Variants in GRM8 observed in about 807,000 individuals in gnomAD.
GRM8 encodes the protein metabotropic glutamate receptor 8.
Under a neutral mutation model 87.2 loss-of-function variants are expected in GRM8, and 47 were observed. The observed-to-expected ratio is 0.54, with a 90% CI of 0.43 to 0.69. The LOEUF (loss-of-function observed/expected upper bound fraction) is 0.69. Among genes scored for constraint, GRM8 ranks in the 30% least tolerant of loss-of-function variants. The pLI is 0.00. For missense variants in GRM8, 1,019 were observed against 1,139.2 expected (o/e 0.89, Z 1.52); for synonymous variants, 396 against 404.5 (o/e 0.98, Z 0.25).
chr7:126,509,110 T>C (rs544382270), intron 9 of GRM8, among the ~76,000 whole-genome samples: 5 of 152,190 alleles, frequency 3.3e-5, no homozygotes, highest in African/African-American at 1.2e-4. Context: ...CAGAATAAAT[T>C]TGAAAAGCAT....
chr7:126,546,197 T>G (rs903085026), intron 8 of GRM8, among the ~76,000 whole-genome samples: 1 of 152,232 alleles, frequency 6.6e-6, no homozygotes, highest in Non-Finnish European at 1.5e-5. Flanking sequence ...TAACATTTAG[T>G]GCTTATAACA....
intron 6 of GRM8, among the ~76,000 whole-genome samples, chr7:126,816,777 C>T (rs536809357): frequency 2.9e-4 from 42 of 145,272 alleles, no homozygotes; most frequent in African/African-American, 8.7e-4. Flanking sequence ...TGTAGTGTAG[C>T]GTATAATTTC....
At position 126,894,141 on chromosome 7, in the gene GRM8, C is replaced by T. The variant is rs187529317; in HGVS notation, c.1156+8401G>A. ...ATATTGAATCATCTATACATTGTTC[C>T]TTTTTAAAAGTTTGTTTGGTTTTAA... On this transcript the variant is annotated intron_variant, in intron 6 of 10. Transcript: ENST00000339582. Among the ~76,000 whole-genome samples the T allele has an allele frequency of 8.5e-5, 13 of 152,110 alleles. No individual in the cohort carries two copies. In the East Asian group the frequency reaches 2.3e-3, roughly 27 times the overall value.
chr7:126,650,989 C>A (rs1260680505), intron 7 of GRM8, among the ~76,000 whole-genome samples: 1 of 152,140 alleles, frequency 6.6e-6, no homozygotes, highest in African/African-American at 2.4e-5. Flanking sequence ...AATATGGCAC[C>A]ATTCCTTGAG....
intron 3 of GRM8, among the ~76,000 whole-genome samples, chr7:126,976,000 A>C (rs926467446): frequency 2.6e-5 from 4 of 152,196 alleles, no homozygotes; most frequent in Non-Finnish European, 4.4e-5. Flanking sequence ...ACAAACATGA[A>C]ATCAGGGACT....
intron 7 of GRM8, among the ~76,000 whole-genome samples, chr7:126,749,223 G>A (rs1375813094): frequency 6.6e-6 from 1 of 152,036 alleles, no homozygotes; most frequent in Non-Finnish European, 1.5e-5. Flanking sequence ...GTTGCAGTGG[G>A]CCAAGATCAT....
intron 8 of GRM8, among the ~76,000 whole-genome samples, chr7:126,548,114 G>A (rs36115890): frequency 0.2 from 30,841 of 151,786 alleles, 3,814 homozygotes; most frequent in East Asian, 0.39. Context: ...TGGAGAAGCC[G>A]GAGAGACTCT....
intron 2 of GRM8, among the ~76,000 whole-genome samples, chr7:127,129,970 A>C (rs1827588243): frequency 6.6e-6 from 1 of 152,068 alleles, no homozygotes; most frequent in Non-Finnish European, 1.5e-5. Flanking sequence ...GTGAGGGAGG[A>C]ACCTGGTGGG....
intron 2 of GRM8, among the ~76,000 whole-genome samples, chr7:127,169,650 A>G (rs1315284986): frequency 2.0e-5 from 3 of 152,212 alleles, no homozygotes; most frequent in Non-Finnish European, 2.9e-5. Flanking sequence ...TTGGCTTCAA[A>G]GTTTCAAAAG....
intron 2 of GRM8, among the ~76,000 whole-genome samples, chr7:127,204,330 G>C (rs1795785858): frequency 6.6e-6 from 1 of 152,134 alleles, no homozygotes; most frequent in Non-Finnish European, 1.5e-5. Flanking sequence ...CTGTACCAAA[G>C]CAATGTGGTC....
At chr7:127,216,537 A>AAAAG (rs1796561592) in intron 2 of GRM8, among the ~76,000 whole-genome samples, 1 of 147,232 alleles carries the variant, frequency 6.8e-6, no homozygotes, top group Non-Finnish European at 1.5e-5. Flanking sequence ...AAAAAAAACA[A>AAAAG]AAAAAAAAAA....
At chr7:127,070,833 G>C (rs1339047507) in intron 3 of GRM8, among the ~76,000 whole-genome samples, 3 of 152,140 alleles carry the variant, frequency 2.0e-5, no homozygotes, top group African/African-American at 7.2e-5. Flanking sequence ...ACTGGAACGT[G>C]TCTCTTGCTG....
chr7:126,615,376 A>G (rs1011874103), intron 7 of GRM8, among the ~76,000 whole-genome samples: 4 of 152,238 alleles, frequency 2.6e-5, no homozygotes, highest in Admixed American at 6.5e-5. Flanking sequence ...TGAAGGAAGC[A>G]CTAAACATGG....
intron 3 of GRM8, among the ~76,000 whole-genome samples, chr7:127,023,902 G>A (rs1336834312): frequency 6.6e-6 from 1 of 152,068 alleles, no homozygotes; most frequent in African/African-American, 2.4e-5. Context: ...ACCATCTGAA[G>A]GGCATTTTAG....
intron 7 of GRM8, among the ~76,000 whole-genome samples, chr7:126,655,949 T>A (rs1167261035): frequency 6.6e-6 from 1 of 152,200 alleles, no homozygotes; most frequent in Non-Finnish European, 1.5e-5. Flanking sequence ...TTTCTCCTAT[T>A]GAGAGAAATA....
At chr7:127,126,693 T>A (rs1827392475) in intron 2 of GRM8, among the ~76,000 whole-genome samples, 1 of 151,898 alleles carries the variant, frequency 6.6e-6, no homozygotes, top group East Asian at 1.9e-4. Context: ...GGTAAAGATG[T>A]TTAGAAAAGA....
intron 3 of GRM8, among the ~76,000 whole-genome samples, chr7:126,978,633 T>G (rs17867057): frequency 1.5e-4 from 23 of 152,320 alleles, no homozygotes; most frequent in African/African-American, 5.3e-4. Context: ...AAACCCTGAT[T>G]GGATGACCCT....
intron 2 of GRM8, among the ~76,000 whole-genome samples, chr7:127,123,347 T>C (rs1050502425): frequency 6.6e-6 from 1 of 152,156 alleles, no homozygotes; most frequent in African/African-American, 2.4e-5. Context: ...GTTTGGGTCC[T>C]GGGGGGAATC....
rs3808132 is a variant in GRM8, at chr7:127,004,220, T to C, written c.728-99537A>G. Among the ~76,000 whole-genome samples the C allele has an allele frequency of 7.9e-5, 12 of 151,676 alleles. No homozygotes were observed. The East Asian group carries it at 2.3e-3, about 29-fold the overall frequency. On this transcript the variant is annotated intron_variant, in intron 3 of 10. Coordinates refer to ENST00000339582, the MANE Select transcript of GRM8 (RefSeq NM_000845.3). ...ATGAGTTATATGGATATGAATTCAA[T>C]TACTATAGCTCTAGAACCAGGTGAT...
Sources: allele counts gnomAD v4.1 joint callset (sites outside exome capture counted in the v4.1 genomes callset), GRCh38; gene constraint gnomAD v4.1.1; transcripts MANE v1.5; gene names NCBI Gene and HGNC (gene_info 2026-07-23, HGNC 2026-07-21).